The following VPS35L variants were observed in gnomAD, a reference collection of about 807,000 sequenced individuals.
VPS35L encodes the protein VPS35 endosomal protein-sorting factor-like.
A neutral mutation model predicts 133.0 loss-of-function variants in VPS35L; 83 were observed. The observed-to-expected ratio is 0.62, with a 90% CI of 0.52 to 0.75. The LOEUF is 0.75. Ranked by LOEUF, VPS35L falls within the 30% of genes least tolerant of loss-of-function variation. The pLI is 0.00. For missense variants in VPS35L, 1,083 were observed against 1,206.8 expected (o/e 0.90, Z 1.52); for synonymous variants, 423 against 449.9 (o/e 0.94, Z 0.76).
rs117987265 is a variant in VPS35L at position 19,643,985 on chromosome 16, C to T, written c.1866-901C>T. 3.5e-4 allele frequency among the ~76,000 whole-genome samples: 53 copies of T among 151,926 alleles called. 1 individual carries two copies. The East Asian group carries it at 0.01, about 29-fold the overall frequency. On this transcript the variant is annotated intron_variant, in intron 22 of 30. Coordinates refer to ENST00000417362, the MANE Select transcript of VPS35L (RefSeq NM_020314.7). ...AAACAAAAACAAAAACAAAAAAGAA[C>T]GAAGTGGGCATTTGTATTGAAGGAC...
At chr16:19,628,079 T>C (rs1277202151) in intron 16 of VPS35L, among the ~76,000 whole-genome samples, 4 of 152,238 alleles carry the variant, frequency 2.6e-5, no homozygotes, top group African/African-American at 9.6e-5. Flanking sequence ...TTTAAGAATA[T>C]ATCAGGCTGG....
At chr16:19,583,668 G>A (rs963436869) in intron 7 of VPS35L, among the ~76,000 whole-genome samples, 6 of 151,348 alleles carry the variant, frequency 4.0e-5, no homozygotes, top group Admixed American at 6.6e-5. Flanking sequence ...GTTGCAGTGA[G>A]CCGAGATCGC....
chr16:19,625,075 A>T (rs1414854233), intron 14 of VPS35L, among the ~76,000 whole-genome samples: 2 of 70,258 alleles, frequency 2.8e-5, no homozygotes, highest in Non-Finnish European at 6.4e-5. Context: ...CCAATGAGTT[A>T]AAAAAAAAAA....
intron 26 of VPS35L, among the ~76,000 whole-genome samples, chr16:19,668,591 A>AGT (rs35546511): frequency 0.34 from 49,761 of 147,288 alleles, 8,469 homozygotes; most frequent in Non-Finnish European, 0.38. Context: ...CTTTAAGCTG[A>AGT]GTGTGTGTGT....
intron 12 of VPS35L, among the ~76,000 whole-genome samples, chr16:19,613,617 T>C (rs549941435): frequency 7.1e-4 from 108 of 152,360 alleles, no homozygotes; most frequent in Non-Finnish European, 1.4e-3. Flanking sequence ...AAAGTGTGTC[T>C]TCTTGCCAGT....
intron 7 of VPS35L, among the ~76,000 whole-genome samples, chr16:19,585,406 C>CTTTT (rs201727936): frequency 2.9e-5 from 4 of 138,120 alleles, no homozygotes; most frequent in South Asian, 2.3e-4. Context: ...TTTCTTTTTT[C>CTTTT]TTTTTTTTTT....
Position 19,586,503 on chromosome 16 carries a change from C to G in VPS35L, c.639+4850C>G, listed in dbSNP as rs566388500. 4.6e-5 allele frequency among the ~76,000 whole-genome samples: 7 copies of G among 152,126 alleles called. No homozygotes were observed. In the South Asian group the frequency reaches 6.2e-4, roughly 14 times the overall value. On this transcript the variant is annotated intron_variant, in intron 7 of 30. Transcript: ENST00000417362. ...TACAGGAGCCTGCTATCACGCCCAG[C>G]TAATTTTTGTATTTTTAGTAGAGAT... is the stretch of plus-strand genomic sequence containing the variant.
At chr16:19,569,924 C>T (rs181406792) in intron 3 of VPS35L, among the ~76,000 whole-genome samples, 20 of 152,292 alleles carry the variant, frequency 1.3e-4, no homozygotes, top group African/African-American at 4.6e-4. Flanking sequence ...CCACCTGAGC[C>T]TCCTAAAGCT....
Position 19,616,168 on chromosome 16 carries a change from G to T in VPS35L, c.1078G>T (p.Asp360Tyr). 13 of 1,612,854 alleles carry T rather than the reference G, an allele frequency of 8.1e-6. No individual in the cohort carries two copies. Among genetic ancestry groups the T allele is most frequent in the Non-Finnish European group, 1.1e-5 (13 of 1,179,166 alleles). Residue 360 changes from aspartate (D) to tyrosine (Y), a missense_variant, in exon 13 of 31, where the codon GAC (aspartate) becomes TAC (tyrosine). Asp to Tyr is a radical substitution (Grantham distance 160). Coordinates refer to ENST00000417362, the MANE Select transcript of VPS35L (RefSeq NM_020314.7). Reference protein sequence around the residue: ...LKETLNKNFFDFLLTFKQIHG... With the variant: ...LKETLNKNFFYFLLTFKQIHG... ...AGAAACCCTAAATAAGAACTTTTTT[G>T]ACTTCCTCCTTACGTTCAAACAGGT...
At chr16:19,560,186 T>G (rs1359658722) in intron 1 of VPS35L, among the ~76,000 whole-genome samples, 1 of 152,254 alleles carries the variant, frequency 6.6e-6, no homozygotes, top group Non-Finnish European at 1.5e-5. Flanking sequence ...ACCAACATTC[T>G]AACAGCCTCA....
At chr16:19,585,938 C>T (rs1247423799) in intron 7 of VPS35L, among the ~76,000 whole-genome samples, 1 of 151,988 alleles carries the variant, frequency 6.6e-6, no homozygotes, top group African/African-American at 2.4e-5. Context: ...TGCTCTATGA[C>T]TCCAGATGGA....
intron 1 of VPS35L, among the ~76,000 whole-genome samples, chr16:19,556,889 C>T (rs972473406): frequency 1.3e-5 from 2 of 150,966 alleles, no homozygotes; most frequent in Non-Finnish European, 2.9e-5. Flanking sequence ...CTTTGGGAGG[C>T]CGAGGCTGGC....
intron 13 of VPS35L, 24 bp downstream of exon 13, chr16:19,616,215 C>G (rs762834663): frequency 1.9e-6 from 3 of 1,571,024 alleles, no homozygotes; most frequent in Non-Finnish European, 2.6e-6. Flanking sequence ...ATCAGAATAG[C>G]TCATCGATAT....
intron 1 of VPS35L, among the ~76,000 whole-genome samples, chr16:19,563,345 T>G (rs1438057198): frequency 6.6e-6 from 1 of 151,818 alleles, no homozygotes; most frequent in Admixed American, 6.6e-5. Context: ...GGAAAAATTC[T>G]GTTTGGTTTC....
In VPS35L at chr16:19,586,325, A is replaced by ATGTG. The variant is rs1223178814; in HGVS notation, c.639+4674_639+4677dup. Among the ~76,000 whole-genome samples, 3 of 151,880 alleles carry ATGTG rather than the reference A, an allele frequency of 2.0e-5. No individual in the cohort carries two copies. In the East Asian group the frequency reaches 5.8e-4, roughly 29 times the overall value. On this transcript the variant is annotated intron_variant, in intron 7 of 30. Coordinates refer to ENST00000417362, the MANE Select transcript of VPS35L (RefSeq NM_020314.7). Reference sequence around the variant, plus strand: ...GAAGTGTGGAAGTATGTATGTATGTATGTGTATATTTATTTATTTATTTAT... The same window carrying ATGTG: ...GAAGTGTGGAAGTATGTATGTATGTATGTGTGTGTATATTTATTTATTTATTTAT...
At chr16:19,588,912 G>A (rs1033137534) in intron 7 of VPS35L, among the ~76,000 whole-genome samples, 5 of 152,198 alleles carry the variant, frequency 3.3e-5, no homozygotes, top group African/African-American at 1.2e-4. Context: ...GGGCGTGTGA[G>A]AGTCTGTGCT....
chr16:19,696,555 A>T (rs1975919590), intron 29 of VPS35L, among the ~76,000 whole-genome samples: 5 of 152,216 alleles, frequency 3.3e-5, no homozygotes, highest in Admixed American at 6.5e-5. Flanking sequence ...GACAGTTCTC[A>T]TAGGAAAAGC....
In VPS35L at chr16:19,652,087, C is replaced by T; in HGVS notation, c.2218C>T (p.Gln740Ter). The T allele has an allele frequency of 6.4e-7, 1 of 1,573,078 alleles. No homozygotes were observed. The highest frequency in any genetic ancestry group is 8.7e-7 in the Non-Finnish European group (1 of 1,148,174). ...QVALANQCLSQADAFFKAAIS... is the reference protein window; with the variant it reads ...QVALANQCLS Reference sequence around the variant, plus strand: ...GGCCTTGGCCAACCAGTGCCTCTCCCAAGGTAAGTCCATCATTCTCTCATC... The same window carrying T: ...GGCCTTGGCCAACCAGTGCCTCTCCTAAGGTAAGTCCATCATTCTCTCATC... The change falls in exon 26 of 31, where the codon CAA becomes TAA. Residue 740 changes from glutamine (Q) to a stop codon, truncating the protein, a stop_gained. Transcript: ENST00000417362. LOFTEE classifies it high-confidence loss of function.
chr16:19,684,924 G>A (rs1172534137), intron 28 of VPS35L, among the ~76,000 whole-genome samples: 1 of 152,016 alleles, frequency 6.6e-6, no homozygotes, highest in Non-Finnish European at 1.5e-5. Flanking sequence ...CCAGGCTGTT[G>A]GCAAGCGCCT....
Sources: allele counts gnomAD v4.1 joint callset (sites outside exome capture counted in the v4.1 genomes callset), GRCh38; gene constraint gnomAD v4.1.1; transcripts MANE v1.5; gene names NCBI Gene and HGNC (gene_info 2026-07-23, HGNC 2026-07-21).